Variants in TECPR1 observed in about 807,000 individuals in gnomAD.
TECPR1 encodes the protein tectonin beta-propeller repeat containing 1.
TECPR1 carries 122 observed loss-of-function variants against 162.4 expected under a neutral mutation model. The ratio of observed to expected loss-of-function variants is 0.75; its 90% confidence interval spans 0.65 to 0.87. The LOEUF is 0.87. Among genes scored for constraint, TECPR1 ranks in the 40% least tolerant of loss-of-function variants. The pLI is 0.00. For synonymous variants in TECPR1, 642 were observed against 670.6 expected (o/e 0.96, Z 0.66); for missense variants, 1,432 against 1,618.2 (o/e 0.88, Z 1.97).
chr7:98,225,186 G>A, intron 17 of TECPR1, 84 bp from the exon 18 acceptor site: 1 of 1,286,922 alleles, frequency 7.8e-7, no homozygotes. Flanking sequence ...ACCCCACAGG[G>A]AAGCACCGAG....
intron 8 of TECPR1, among the ~76,000 whole-genome samples, chr7:98,239,983 G>A (rs555172136): frequency 3.0e-4 from 45 of 152,118 alleles, no homozygotes; most frequent in African/African-American, 1.0e-3. Flanking sequence ...GGTGGCGGGC[G>A]CCTGTAGCCC....
At chr7:98,234,222 A>G (rs1798532026) in intron 10 of TECPR1, among the ~76,000 whole-genome samples, 1 of 152,124 alleles carries the variant, frequency 6.6e-6, no homozygotes. Flanking sequence ...GCACAATCTC[A>G]GCTCACTGCA....
intron 6 of TECPR1, 104 bp downstream of exon 6, chr7:98,243,363 G>A: frequency 6.8e-7 from 1 of 1,464,764 alleles, no homozygotes; most frequent in Non-Finnish European, 9.2e-7. Flanking sequence ...TGGGGTGGGG[G>A]GGCCGGGGCT....
chr7:98,236,172 T>C (rs1157038628), intron 10 of TECPR1, among the ~76,000 whole-genome samples: 1 of 152,222 alleles, frequency 6.6e-6, no homozygotes, highest in Non-Finnish European at 1.5e-5. Flanking sequence ...GGCTTGTCCA[T>C]GCTCTTTAGA....
intron 3 of TECPR1, among the ~76,000 whole-genome samples, 156 bp downstream of exon 3, chr7:98,245,766 G>A (rs576383709): frequency 6.6e-5 from 10 of 152,290 alleles, no homozygotes; most frequent in African/African-American, 1.2e-4. Context: ...GAGTCACCAC[G>A]CCTGGCAGCA....
At position 98,241,290 on chromosome 7, in the gene TECPR1, A is replaced by G. The variant is rs1344393953; in HGVS notation, c.658-46T>C. The G allele has an allele frequency of 6.2e-7, 1 of 1,602,808 alleles. No homozygotes were observed. Among genetic ancestry groups the G allele is most frequent in the Non-Finnish European group, 8.5e-7 (1 of 1,173,546 alleles). On this transcript the variant is annotated intron_variant, in intron 6 of 25. Transcript: ENST00000447648. The surrounding 1 kb of genome is among the most constrained non-coding windows in gnomAD (Gnocchi z 5.0). The stretch of plus-strand genomic sequence containing the variant: ...ACAGCACCTGCATCAACTCATTCAC[A>G]CCAGCCAAGCACGGGGGTCTCGGTG...
Position 98,243,534 on chromosome 7 carries a change from C to G in TECPR1, c.590G>C (p.Gly197Ala). 1 of 1,612,604 alleles carries G rather than the reference C, an allele frequency of 6.2e-7. No individual in the cohort carries two copies. The highest frequency in any genetic ancestry group is 8.5e-7 in the Non-Finnish European group (1 of 1,179,800). ...AGGCTCCTCCGTGATCTCCCAGCCCCCTACAGAGAGGTCGTTGAAGGGGTC... is the reference window on the plus strand; with the variant it reads ...AGGCTCCTCCGTGATCTCCCAGCCCGCTACAGAGAGGTCGTTGAAGGGGTC... Reference protein sequence around the residue: ...LPDPFNDLSVGGWEITEEPVG... With the variant: ...LPDPFNDLSVAGWEITEEPVG... The change falls in exon 6 of 26, where the codon GGG (glycine) becomes GCG (alanine). Residue 197 changes from glycine to alanine, a missense_variant. Coordinates refer to ENST00000447648, the MANE Select transcript of TECPR1 (RefSeq NM_015395.3).
At position 98,244,707 on chromosome 7, in the gene TECPR1, G is replaced by A. The variant is rs1456460794; in HGVS notation, c.409-14C>T. 3 of 1,602,678 alleles carry A rather than the reference G, an allele frequency of 1.9e-6. No homozygotes were observed. The highest frequency in any genetic ancestry group is 2.2e-5 in the East Asian group (1 of 44,640). On this transcript the variant is annotated splice_polypyrimidine_tract_variant and intron_variant, in intron 4 of 25. Transcript: ENST00000447648. ...GTACGTCCACCCCTGAAACACCAAGGAAGGGGCTCTCAGGCTCTGCGGGGA... is the reference window on the plus strand; with the variant it reads ...GTACGTCCACCCCTGAAACACCAAGAAAGGGGCTCTCAGGCTCTGCGGGGA...
rs763396780 is a variant in TECPR1, at chr7:98,241,307, G to A, written c.658-63C>T. ...TCATTCACACCAGCCAAGCACGGGG[G>A]TCTCGGTGTGGTAGGGGGTAGGACC... On this transcript the variant is annotated intron_variant, in intron 6 of 25. Transcript: ENST00000447648. This position sits in a 1 kb window ranked among gnomAD's most constrained non-coding sequence, Gnocchi z 5.0. The A allele has an allele frequency of 1.1e-5, 18 of 1,587,430 alleles. 1 individual carries two copies. In the Admixed American group the frequency reaches 2.5e-4, roughly 22 times the overall value.
chr7:98,245,625 C>A (rs1394787645), intron 3 of TECPR1, among the ~76,000 whole-genome samples: 1 of 152,150 alleles, frequency 6.6e-6, no homozygotes, highest in Non-Finnish European at 1.5e-5. Context: ...GTGCACACCA[C>A]CACACCCTGC....
At chr7:98,235,332 T>C (rs925500943) in intron 10 of TECPR1, among the ~76,000 whole-genome samples, 5 of 151,736 alleles carry the variant, frequency 3.3e-5, no homozygotes, top group African/African-American at 9.7e-5. Flanking sequence ...GAGACCATCC[T>C]GGCTAACACG....
chr7:98,219,258 A>T (rs1798087229), intron 23 of TECPR1, among the ~76,000 whole-genome samples: 1 of 152,250 alleles, frequency 6.6e-6, no homozygotes, highest in South Asian at 2.1e-4. Context: ...TCAAACACTT[A>T]CATCTAGACC....
In TECPR1 at chr7:98,217,954, G is replaced by A. The variant is rs774118240; in HGVS notation, c.3246C>T (p.Ser1082=). The change falls in exon 24 of 26, where the codon TCC becomes TCT. Residue 1082 remains serine (S), a synonymous_variant. Coordinates refer to ENST00000447648, the MANE Select transcript of TECPR1 (RefSeq NM_015395.3). ...CCCCCACCTGGTCCAGGGGCCCCAC[G>A]GACACTCGGCACACGTTGTTGGACA... ...EHVSNNVCRV[S]VGPLDQVWVI... 6 of 1,557,146 alleles carry A rather than the reference G, an allele frequency of 3.9e-6. No homozygotes were observed. Among genetic ancestry groups the A allele is most frequent in the Admixed American group, 1.9e-5 (1 of 51,548 alleles).
intron 11 of TECPR1, 109 bp from the exon 12 acceptor site, chr7:98,233,081 C>A: frequency 7.6e-7 from 1 of 1,317,108 alleles, no homozygotes; most frequent in Non-Finnish European, 1.0e-6. Context: ...TCAAAAGCTA[C>A]GCTCTCTGTT....
chr7:98,232,785 G>GAAAA lies in TECPR1; in HGVS notation c.1818+38_1818+41dup. 2 of 1,331,084 alleles carry GAAAA rather than the reference G, an allele frequency of 1.5e-6. No individual in the cohort carries two copies. The highest frequency in any genetic ancestry group is 1.5e-5 in the South Asian group (1 of 68,486). 82.5% of individuals were successfully genotyped at this position (1,331,084 alleles called of 1,614,324 possible). ...GCAGGCGCTCAATGAATGATTGCTG[G>GAAAA]AAAAAAAAAAAAAATGCATGCGCAG... On this transcript the variant is annotated intron_variant, in intron 12 of 25. Coordinates refer to ENST00000447648, the MANE Select transcript of TECPR1 (RefSeq NM_015395.3). The surrounding 1 kb of genome is among the most constrained non-coding windows in gnomAD (Gnocchi z 4.6).
chr7:98,218,690 C>G (rs1016407845), intron 23 of TECPR1, among the ~76,000 whole-genome samples: 4 of 152,036 alleles, frequency 2.6e-5, no homozygotes, highest in African/African-American at 4.8e-5. Flanking sequence ...AGGAGAACTA[C>G]AAAACACTGC....
intron 9 of TECPR1, among the ~76,000 whole-genome samples, chr7:98,237,680 G>A (rs965222359): frequency 6.6e-6 from 1 of 152,080 alleles, no homozygotes; most frequent in African/African-American, 2.4e-5. Context: ...TGTTGGCCAG[G>A]CTGGTCTCAA....
intron 9 of TECPR1, among the ~76,000 whole-genome samples, chr7:98,237,637 T>C (rs1344471788): frequency 1.3e-5 from 2 of 152,098 alleles, no homozygotes; most frequent in Non-Finnish European, 2.9e-5. Context: ...CCCAGCTAAT[T>C]TTTGTATTTT....
In TECPR1 at chr7:98,246,056, AGT is replaced by A; in HGVS notation, c.89_90del (p.Asp30ValfsTer21). 1 of 1,576,042 alleles carries A rather than the reference AGT, an allele frequency of 6.3e-7. No homozygotes were observed. Among genetic ancestry groups the A allele is most frequent in the Non-Finnish European group, 8.6e-7 (1 of 1,161,504 alleles). Reference protein sequence around the residue: ...TAGQYWEMCKDSQLEFKRVSA... With the variant: ...TAGQYWEMCKXSQLEFKRVSA... Reference sequence around the variant, plus strand: ...CTGACGCGCTTGAACTCCAGCTGGGAGTCCTTGCACATTTCCCAGTACTGGCC... The same window carrying A: ...CTGACGCGCTTGAACTCCAGCTGGGACCTTGCACATTTCCCAGTACTGGCC... On this transcript the variant is annotated frameshift_variant, in exon 3 of 26. Transcript: ENST00000447648. LOFTEE classifies it high-confidence loss of function.
Sources: allele counts gnomAD v4.1 joint callset (sites outside exome capture counted in the v4.1 genomes callset), GRCh38; gene constraint gnomAD v4.1.1; non-coding constraint Gnocchi (gnomAD v3.1); transcripts MANE v1.5; gene names NCBI Gene and HGNC (gene_info 2026-07-23, HGNC 2026-07-21).